The following RNF150 variants were observed in gnomAD, a reference collection of about 807,000 sequenced individuals.
The protein encoded by RNF150 is ring finger protein 150.
RNF150 carries 24 observed loss-of-function variants against 39.3 expected under a neutral mutation model. That is an observed-to-expected ratio of 0.61 (90% CI 0.44 to 0.86). The LOEUF is 0.86. RNF150 is among the 40% of genes least tolerant of loss of function. The pLI is 0.00. For synonymous variants in RNF150, 255 were observed against 227.3 expected (o/e 1.12, Z -1.10); for missense variants, 502 against 587.8 (o/e 0.85, Z 1.51).
chr4:141,063,158 T>C (rs903300481), intron 1 of RNF150, among the ~76,000 whole-genome samples: 5 of 152,234 alleles, frequency 3.3e-5, no homozygotes, highest in Non-Finnish European at 4.4e-5. Context: ...AAGAATCTTT[T>C]TAAAGACAAT....
intron 4 of RNF150, among the ~76,000 whole-genome samples, chr4:140,933,077 G>C (rs1306284447): frequency 6.6e-6 from 1 of 152,146 alleles, no homozygotes; most frequent in Admixed American, 6.5e-5. Context: ...TGTTTGTATA[G>C]TGCTTCATTA....
In RNF150 at chr4:140,965,093, T is replaced by C. The variant is rs185950071; in HGVS notation, c.735+2530A>G. On this transcript the variant is annotated intron_variant, in intron 2 of 6. Transcript: ENST00000515673. Reference sequence around the variant, plus strand: ...TAAAGATTTAATGAGAAAAAAGAAATTTGAAAAGTAGAGGGTGAAAACATG... The same window carrying C: ...TAAAGATTTAATGAGAAAAAAGAAACTTGAAAAGTAGAGGGTGAAAACATG... 1.3e-3 allele frequency among the ~76,000 whole-genome samples: 202 copies of C among 152,104 alleles called. 1 individual carries two copies. Among genetic ancestry groups the C allele is most frequent in the African/African-American group, 4.7e-3 (196 of 41,530 alleles).
intron 1 of RNF150, among the ~76,000 whole-genome samples, chr4:141,037,980 A>G (rs1736208151): frequency 6.6e-6 from 1 of 152,238 alleles, no homozygotes; most frequent in South Asian, 2.1e-4. Context: ...ATGATTGTTT[A>G]TTCACTAAGT....
intron 1 of RNF150, among the ~76,000 whole-genome samples, chr4:141,122,027 T>G (rs1432912774): frequency 6.6e-6 from 1 of 152,254 alleles, no homozygotes; most frequent in East Asian, 1.9e-4. Context: ...GATCCCAATA[T>G]GCAGTCAGGG....
chr4:141,204,847 A>G (rs1728347198), intron 1 of RNF150, among the ~76,000 whole-genome samples: 1 of 152,202 alleles, frequency 6.6e-6, no homozygotes, highest in South Asian at 2.1e-4. Context: ...TGCAAATCTT[A>G]TCTCAGCATA....
intron 1 of RNF150, among the ~76,000 whole-genome samples, chr4:141,180,530 G>A (rs1019261712): frequency 1.3e-5 from 2 of 152,088 alleles, no homozygotes; most frequent in African/African-American, 4.8e-5. Context: ...GTCTGCAATC[G>A]ATTCTGATCT....
intron 1 of RNF150, among the ~76,000 whole-genome samples, chr4:141,078,663 A>G (rs1034582738): frequency 2.1e-4 from 32 of 150,790 alleles, no homozygotes; most frequent in African/African-American, 7.1e-4. Flanking sequence ...GGTGGCAGGC[A>G]CCTGTAGTCC....
intron 1 of RNF150, among the ~76,000 whole-genome samples, chr4:141,207,101 T>A (rs1311375743): frequency 6.6e-6 from 1 of 152,092 alleles, no homozygotes; most frequent in East Asian, 1.9e-4. Context: ...GGGTGGGTCT[T>A]CCTCTCCCCA....
intron 1 of RNF150, 48 bp from the exon 2 acceptor site, chr4:140,967,921 T>C (rs776025828): frequency 1.9e-6 from 3 of 1,551,642 alleles, no homozygotes; most frequent in Non-Finnish European, 2.7e-6. Flanking sequence ...GGGGATAAGA[T>C]ATGGGGGATC....
Position 141,142,214 on chromosome 4 carries a change from C to T in RNF150, c.-6+70580G>A, listed in dbSNP as rs143955636. On this transcript the variant is annotated intron_variant, in intron 1 of 7. Transcript: ENST00000420921. ...AGAATCAAACTCCCCATCTTCCCAC[C>T]ACCTGATCCTAAAACCTATCATCTA... Among the ~76,000 whole-genome samples, 9 of 152,300 alleles carry T rather than the reference C, an allele frequency of 5.9e-5. No homozygotes were observed. In the East Asian group the frequency reaches 1.7e-3, roughly 29 times the overall value.
intron 1 of RNF150, among the ~76,000 whole-genome samples, chr4:141,156,613 G>A (rs1727404568): frequency 6.6e-6 from 1 of 151,678 alleles, no homozygotes; most frequent in South Asian, 2.1e-4. Context: ...ATTTGTGCAG[G>A]CCAGGCACAG....
At chr4:141,172,324 T>C (rs929794224) in intron 1 of RNF150, among the ~76,000 whole-genome samples, 2 of 152,118 alleles carry the variant, frequency 1.3e-5, no homozygotes, top group Non-Finnish European at 2.9e-5. Flanking sequence ...CCCTTTTCTC[T>C]ACATGTCATT....
At chr4:141,010,688 G>A (rs1735043670) in intron 1 of RNF150, among the ~76,000 whole-genome samples, 1 of 152,038 alleles carries the variant, frequency 6.6e-6, no homozygotes, top group African/African-American at 2.4e-5. Flanking sequence ...GGACAGCCCA[G>A]ACCATACATC....
chr4:141,089,330 T>TTAAA (rs1454584557), intron 1 of RNF150, among the ~76,000 whole-genome samples: 1 of 152,112 alleles, frequency 6.6e-6, no homozygotes, highest in African/African-American at 2.4e-5. Flanking sequence ...GACCAGCGAC[T>TTAAA]CTGGTTTAAC....
intron 1 of RNF150, among the ~76,000 whole-genome samples, chr4:141,101,759 T>G (rs1385929967): frequency 6.6e-6 from 1 of 152,108 alleles, no homozygotes; most frequent in Admixed American, 6.6e-5. Context: ...TTGTAGAAAT[T>G]TTTTAGCTCC....
At chr4:141,058,553 G>T (rs578142759) in intron 1 of RNF150, among the ~76,000 whole-genome samples, 83 of 152,214 alleles carry the variant, frequency 5.5e-4, no homozygotes, top group African/African-American at 1.9e-3. Flanking sequence ...GGTAGGCAGG[G>T]CATGGGGCTG....
At chr4:140,877,623 A>C (rs972027936) in intron 6 of RNF150, among the ~76,000 whole-genome samples, 1 of 152,246 alleles carries the variant, frequency 6.6e-6, no homozygotes, top group Non-Finnish European at 1.5e-5. Context: ...AGTGTGGAGA[A>C]AAGAAAGATG....
At chr4:141,032,287 G>A (rs1380887897) in intron 1 of RNF150, among the ~76,000 whole-genome samples, 5 of 152,116 alleles carry the variant, frequency 3.3e-5, no homozygotes, top group African/African-American at 1.2e-4. Flanking sequence ...TAGGGAACTT[G>A]AGGGAAATGG....
intron 1 of RNF150, among the ~76,000 whole-genome samples, chr4:141,097,120 C>A (rs185004571): frequency 1.3e-5 from 2 of 152,256 alleles, no homozygotes; most frequent in Admixed American, 6.5e-5. Flanking sequence ...CTATTATTTA[C>A]CAAAACAGAC....
Sources: allele counts gnomAD v4.1 joint callset (sites outside exome capture counted in the v4.1 genomes callset), GRCh38; gene constraint gnomAD v4.1.1; transcripts MANE v1.5; gene names NCBI Gene and HGNC (gene_info 2026-07-23, HGNC 2026-07-21).